Variants in SKAP1 observed in about 807,000 individuals in gnomAD.
SKAP1 encodes src kinase associated phosphoprotein 1.
SKAP1 carries 44 observed loss-of-function variants against 58.5 expected under a neutral mutation model. That is an observed-to-expected ratio of 0.75 (90% CI 0.59 to 0.97). SKAP1 has a LOEUF of 0.97. Ranked by LOEUF, SKAP1 falls within the 50% of genes least tolerant of loss-of-function variation. The pLI is 0.00. For missense variants in SKAP1, 390 were observed against 435.2 expected, an observed-to-expected ratio of 0.90 and a Z score of 0.92; for synonymous variants, 127 against 149.7, an observed-to-expected ratio of 0.85 and a Z score of 1.11.
At chr17:48,228,147 AT>A (rs2065088642) in intron 4 of SKAP1, among the ~76,000 whole-genome samples, 1 of 152,048 alleles carries the variant, frequency 6.6e-6, no homozygotes, top group Non-Finnish European at 1.5e-5. Flanking sequence ...ATTATATAAG[AT>A]GTGGGGGTGG....
chr17:48,305,154 T>C (rs1464727438), intron 4 of SKAP1, among the ~76,000 whole-genome samples: 1 of 152,198 alleles, frequency 6.6e-6, no homozygotes, highest in Non-Finnish European at 1.5e-5. Flanking sequence ...AGTGTCAGTG[T>C]CAAGTTTTTG....
chr17:48,353,938 GGAAGAAGAA>G (rs10695123), intron 3 of SKAP1, among the ~76,000 whole-genome samples: 2 of 144,734 alleles, frequency 1.4e-5, no homozygotes, highest in African/African-American at 5.1e-5. Context: ...AAGAAGAAGA[GGAAGAAGAA>G]GAAGAAGAAG....
At chr17:48,356,066 T>C (rs996818044) in intron 3 of SKAP1, among the ~76,000 whole-genome samples, 1 of 148,324 alleles carries the variant, frequency 6.7e-6, no homozygotes, top group African/African-American at 2.5e-5. Flanking sequence ...ACCAGCCTGG[T>C]AACATGGTGA....
chr17:48,166,711 G>A (rs929834074), intron 10 of SKAP1, among the ~76,000 whole-genome samples: 3 of 152,160 alleles, frequency 2.0e-5, no homozygotes, highest in Non-Finnish European at 2.9e-5. Flanking sequence ...AAAACATGAA[G>A]ATGGATAAAG....
At chr17:48,147,910 G>C (rs542819995) in intron 11 of SKAP1, among the ~76,000 whole-genome samples, 34 of 150,184 alleles carry the variant, frequency 2.3e-4, no homozygotes, top group African/African-American at 8.1e-4. Flanking sequence ...GGATACAGGG[G>C]AAAGTATGCA....
At chr17:48,381,459 G>A (rs936707524) in intron 2 of SKAP1, among the ~76,000 whole-genome samples, 2 of 152,042 alleles carry the variant, frequency 1.3e-5, no homozygotes, top group Non-Finnish European at 1.5e-5. Context: ...TTCACCCCAC[G>A]GCCAAGTCAT....
At chr17:48,361,425 G>A (rs1004881242) in intron 3 of SKAP1, among the ~76,000 whole-genome samples, 6 of 151,870 alleles carry the variant, frequency 4.0e-5, no homozygotes, top group African/African-American at 7.2e-5. Flanking sequence ...GGCTGGTCTC[G>A]AACTCCTGAC....
At chr17:48,326,970 C>A (rs2066446004) in intron 4 of SKAP1, among the ~76,000 whole-genome samples, 1 of 149,242 alleles carries the variant, frequency 6.7e-6, no homozygotes, top group East Asian at 2.0e-4. Flanking sequence ...TGGCTCACTG[C>A]AACCTCTGTC....
At chr17:48,258,565 C>T (rs1160183148) in intron 4 of SKAP1, among the ~76,000 whole-genome samples, 1 of 152,034 alleles carries the variant, frequency 6.6e-6, no homozygotes, top group Admixed American at 6.6e-5. Context: ...ACTTAAATGA[C>T]TTGCAGTTTC....
At chr17:48,279,137 C>T (rs1463840641) in intron 4 of SKAP1, among the ~76,000 whole-genome samples, 4 of 152,068 alleles carry the variant, frequency 2.6e-5, no homozygotes, top group African/African-American at 4.8e-5. Flanking sequence ...AGCAAGGTGA[C>T]GGTATTCTTA....
At chr17:48,212,982 T>A (rs1333339657) in intron 4 of SKAP1, among the ~76,000 whole-genome samples, 3 of 152,160 alleles carry the variant, frequency 2.0e-5, no homozygotes, top group Non-Finnish European at 2.9e-5. Flanking sequence ...CTAGTTATTC[T>A]GAGGGGATGC....
intron 4 of SKAP1, among the ~76,000 whole-genome samples, chr17:48,252,620 A>C (rs1407274974): frequency 6.6e-6 from 1 of 152,178 alleles, no homozygotes; most frequent in Non-Finnish European, 1.5e-5. Flanking sequence ...TAGAATTGCT[A>C]TTCAGATAAG....
intron 4 of SKAP1, among the ~76,000 whole-genome samples, chr17:48,255,531 A>G (rs2065413835): frequency 2.0e-5 from 3 of 151,892 alleles, no homozygotes; most frequent in Non-Finnish European, 4.4e-5. Context: ...ACCTTTCTCT[A>G]TAATTATTAC....
chr17:48,205,152 C>T (rs1005911157), intron 4 of SKAP1, among the ~76,000 whole-genome samples: 16 of 150,650 alleles, frequency 1.1e-4, no homozygotes, highest in African/African-American at 3.7e-4. Flanking sequence ...CTCTGTTGCC[C>T]AGGCTGGAGT....
upstream of SKAP1, among the ~76,000 whole-genome samples, chr17:48,433,629 G>A (rs150447674): frequency 3.0e-4 from 45 of 152,282 alleles, no homozygotes; most frequent in East Asian, 8.5e-3. Flanking sequence ...GAGGTCCTTT[G>A]GAGCAGAGGC....
chr17:48,338,494 A>G (rs1405879675), intron 4 of SKAP1, among the ~76,000 whole-genome samples: 8 of 152,148 alleles, frequency 5.3e-5, no homozygotes, highest in Admixed American at 3.3e-4. Flanking sequence ...GTTAAAACAG[A>G]GACTAGATTA....
intron 4 of SKAP1, among the ~76,000 whole-genome samples, chr17:48,209,799 G>T (rs1170149153): frequency 1.3e-5 from 2 of 152,176 alleles, no homozygotes; most frequent in African/African-American, 4.8e-5. Flanking sequence ...AGGCCCGGTT[G>T]TTTTGTTGTT....
chr17:48,171,833 C>T (rs772619563), intron 9 of SKAP1, among the ~76,000 whole-genome samples: 26 of 151,506 alleles, frequency 1.7e-4, no homozygotes, highest in Non-Finnish European at 3.1e-4. Context: ...GAGGCCGAGG[C>T]GGGCAGATCA....
intron 11 of SKAP1, among the ~76,000 whole-genome samples, chr17:48,154,544 C>A (rs904580894): frequency 6.6e-6 from 1 of 152,176 alleles, no homozygotes; most frequent in Non-Finnish European, 1.5e-5. Context: ...CTTGGAAGAG[C>A]CTCAGACCAA....
Sources: allele counts gnomAD v4.1 joint callset (sites outside exome capture counted in the v4.1 genomes callset), GRCh38; gene constraint gnomAD v4.1.1; transcripts MANE v1.5; gene names NCBI Gene and HGNC (gene_info 2026-07-23, HGNC 2026-07-21).